Variants in CTPS2 observed in about 807,000 individuals in gnomAD.
CTPS2 encodes CTP synthase 2.
Under a neutral mutation model 46.8 loss-of-function variants are expected in CTPS2, and 19 were observed. The ratio of observed to expected loss-of-function variants is 0.41; its 90% CI spans 0.28 to 0.60. The LOEUF (loss-of-function observed/expected upper bound fraction) is 0.60. Ranked by LOEUF, CTPS2 falls within the 20% of genes least tolerant of loss-of-function variation. The pLI, the probability that CTPS2 is intolerant of heterozygous loss-of-function variation, is 0.35. For missense variants in CTPS2, 286 were observed against 447.6 expected, an observed-to-expected ratio of 0.64 and a Z score of 3.26; for synonymous variants, 151 against 165.2, an observed-to-expected ratio of 0.91 and a Z score of 0.66.
chrX:16,672,388 T>C (rs1229517401), intron 10 of CTPS2, among the ~76,000 whole-genome samples: 1 of 111,457 alleles, frequency 9.0e-6, no homozygotes, highest in Non-Finnish European at 1.9e-5. Flanking sequence ...CTGAGCTCTT[T>C]GCCTTCCCCA....
At chrX:16,668,034 GAGC>G (rs1460534575) in intron 11 of CTPS2, among the ~76,000 whole-genome samples, 2 of 110,004 alleles carry the variant, frequency 1.8e-5, no homozygotes, top group Admixed American at 1.0e-4. Flanking sequence ...AAGCCAAAGT[GAGC>G]AGATTACTTG....
intron 14 of CTPS2, among the ~76,000 whole-genome samples, chrX:16,631,963 C>T (rs754804912): frequency 8.9e-6 from 1 of 112,095 alleles, no homozygotes; most frequent in African/African-American, 3.2e-5. Context: ...TGAGCCTGAT[C>T]CCTCCATCTT....
intron 1 of CTPS2, among the ~76,000 whole-genome samples, chrX:16,709,614 G>T (rs1925297840): frequency 9.1e-6 from 1 of 110,314 alleles, no homozygotes; most frequent in Admixed American, 9.7e-5. Flanking sequence ...ACTTTGGGAG[G>T]CCAAGGCGGG....
At chrX:16,601,944 A>G (rs756658212) in intron 17 of CTPS2, among the ~76,000 whole-genome samples, 2 of 111,336 alleles carry the variant, frequency 1.8e-5, no homozygotes, top group Non-Finnish European at 3.8e-5. Flanking sequence ...TGACAGCTAG[A>G]GTCCTGACTC....
chrX:16,633,420 G>A (rs1931588386), intron 14 of CTPS2, among the ~76,000 whole-genome samples: 2 of 111,296 alleles, frequency 1.8e-5, no homozygotes, highest in Non-Finnish European at 3.8e-5. Context: ...TTTTAAATTG[G>A]TTGAAAAAAT....
intron 14 of CTPS2, among the ~76,000 whole-genome samples, chrX:16,635,326 T>C (rs1412655322): frequency 9.0e-6 from 1 of 110,986 alleles, no homozygotes; most frequent in Non-Finnish European, 1.9e-5. Flanking sequence ...CATAAATAAA[T>C]ACATAAAATT....
intron 2 of CTPS2, among the ~76,000 whole-genome samples, chrX:16,700,892 C>G (rs1320373229): frequency 2.7e-5 from 3 of 111,890 alleles, no homozygotes; most frequent in Non-Finnish European, 5.6e-5. Flanking sequence ...TTAATATTCC[C>G]TAACATCCCA....
chrX:16,614,694 TGA>T (rs1000467667), intron 16 of CTPS2, among the ~76,000 whole-genome samples: 23 of 111,336 alleles, frequency 2.1e-4, no homozygotes, highest in Non-Finnish European at 3.4e-4. Context: ...GAAGAGGCCT[TGA>T]GCCCAGGTGA....
intron 13 of CTPS2, among the ~76,000 whole-genome samples, chrX:16,663,997 A>ACCTG (rs1933069037): frequency 9.1e-6 from 1 of 109,409 alleles, no homozygotes; most frequent in Non-Finnish European, 1.9e-5. Context: ...CACCACGCCC[A>ACCTG]GCTAATTTCT....
chrX:16,665,460 C>T (rs1295047978), intron 13 of CTPS2, among the ~76,000 whole-genome samples: 2 of 112,436 alleles, frequency 1.8e-5, no homozygotes, highest in African/African-American at 3.2e-5. Context: ...AGTACTGATA[C>T]GTGTTACAAC....
chrX:16,612,850 G>A (rs1602136333), intron 16 of CTPS2, among the ~76,000 whole-genome samples: 1 of 112,056 alleles, frequency 8.9e-6, no homozygotes, highest in African/African-American at 3.2e-5. Flanking sequence ...TTTGCACTCC[G>A]GTGTCCTCTG....
Position 16,655,489 on chromosome X carries a change from G to T in CTPS2, c.1296+12025C>A, listed in dbSNP as rs185357988. Among the ~76,000 whole-genome samples, 230 of 111,396 alleles carry T rather than the reference G, an allele frequency of 2.1e-3. 3 individuals carry two copies. The highest frequency in any genetic ancestry group is 0.02 in the Admixed American group (214 of 10,506). ...AGGCAAGAAGTGCAGAGGAGGGAAG[G>T]GAACTTTCTGCTACCCCTTACCAGA... On this transcript the variant is annotated intron_variant, in intron 13 of 18. Coordinates refer to ENST00000359276, the MANE Select transcript of CTPS2 (RefSeq NM_175859.3).
At chrX:16,707,249 CA>C (rs1363219536) in intron 1 of CTPS2, among the ~76,000 whole-genome samples, 4 of 111,313 alleles carry the variant, frequency 3.6e-5, no homozygotes, top group Non-Finnish European at 7.5e-5. Context: ...TGAGTGTGTA[CA>C]GGGGCCTTCT....
intron 1 of CTPS2, among the ~76,000 whole-genome samples, chrX:16,706,416 C>A (rs776485370): frequency 9.1e-6 from 1 of 109,736 alleles, no homozygotes; most frequent in East Asian, 2.9e-4. Context: ...GAGTGAGACT[C>A]CGACTCGAAA....
chrX:16,694,654 A>G (rs1308232769), intron 4 of CTPS2, among the ~76,000 whole-genome samples: 1 of 112,571 alleles, frequency 8.9e-6, no homozygotes, highest in Non-Finnish European at 1.9e-5. Context: ...CTGAAATTCA[A>G]TATAAGCCCT....
At position 16,699,080 on chromosome X, in the gene CTPS2, G is replaced by A; in HGVS notation, c.180C>T (p.Val60=). 8.7e-7 allele frequency: 1 copy of A among 1,153,754 alleles called. No individual in the cohort carries two copies. The highest frequency in any genetic ancestry group is 1.1e-6 in the Non-Finnish European group (1 of 871,193). Residue 60 remains valine, a synonymous_variant, in exon 3 of 19, where the codon GTC becomes GTT. Coordinates refer to ENST00000359276, the MANE Select transcript of CTPS2 (RefSeq NM_175859.3). Reference sequence around the variant, plus strand: ...AATCAACTTCTCCACCATCATTTAAGACGAAGACTTCACCTAGGATTAAAA... The same window carrying A: ...AATCAACTTCTCCACCATCATTTAAAACGAAGACTTCACCTAGGATTAAAA... The part of the protein sequence containing the change: ...FSPYEHGEVF[V]LNDGGEVDLD...
chrX:16,680,914 G>A (rs758819288), intron 9 of CTPS2, among the ~76,000 whole-genome samples: 5 of 111,121 alleles, frequency 4.5e-5, no homozygotes, highest in African/African-American at 6.5e-5. Context: ...GGCCAGGCAC[G>A]ATGGCTCACG....
intron 16 of CTPS2, among the ~76,000 whole-genome samples, chrX:16,611,444 C>T (rs1448154312): frequency 9.3e-6 from 1 of 107,169 alleles, no homozygotes; most frequent in Admixed American, 1.0e-4. Flanking sequence ...GGGTGAGACC[C>T]TATCTCAAAA....
chrX:16,603,480 T>G (rs1180827458), intron 17 of CTPS2, among the ~76,000 whole-genome samples: 3 of 109,403 alleles, frequency 2.7e-5, no homozygotes, highest in African/African-American at 1.0e-4. Flanking sequence ...AGAAAAATGT[T>G]CCTTTGCAAA....
Sources: allele counts gnomAD v4.1 joint callset (sites outside exome capture counted in the v4.1 genomes callset), GRCh38; gene constraint gnomAD v4.1.1; transcripts MANE v1.5; gene names NCBI Gene and HGNC (gene_info 2026-07-23, HGNC 2026-07-21).